Variants in VASH2 observed in about 807,000 individuals in gnomAD.
The protein encoded by VASH2 is tubulinyl-Tyr carboxypeptidase 2.
Under a neutral mutation model 37.2 loss-of-function variants are expected in VASH2, and 28 were observed. That is an observed-to-expected ratio of 0.75 (90% CI 0.56 to 1.03). The LOEUF is 1.03. Among genes scored for constraint, VASH2 ranks in the 50% least tolerant of loss-of-function variants. The pLI is 0.00. For synonymous variants in VASH2, 188 were observed against 174.7 expected (o/e 1.08, Z -0.60); for missense variants, 419 against 459.1 (o/e 0.91, Z 0.80).
chr1:212,963,262 A>C (rs1244583872), intron 3 of VASH2, among the ~76,000 whole-genome samples: 1 of 152,154 alleles, frequency 6.6e-6, no homozygotes, highest in Non-Finnish European at 1.5e-5. Context: ...GACCAACAGC[A>C]TCACTGACTG....
intron 7 of VASH2, among the ~76,000 whole-genome samples, chr1:212,978,771 T>TGTAG (rs1473859239): frequency 6.6e-6 from 1 of 152,110 alleles, no homozygotes; most frequent in Non-Finnish European, 1.5e-5. Flanking sequence ...CCAGTTGGCT[T>TGTAG]GTAGGTGCCC....
chr1:212,978,685 G>A (rs1183600933), intron 7 of VASH2, among the ~76,000 whole-genome samples: 1 of 152,234 alleles, frequency 6.6e-6, no homozygotes, highest in Non-Finnish European at 1.5e-5. Context: ...GCTCCCAGTA[G>A]GTCAGAGTCT....
At chr1:212,975,729 G>T (rs893238592) in intron 7 of VASH2, among the ~76,000 whole-genome samples, 2 of 152,254 alleles carry the variant, frequency 1.3e-5, no homozygotes, top group African/African-American at 4.8e-5. Flanking sequence ...AACTGATTTT[G>T]TCTGATTTAT....
intron 7 of VASH2, among the ~76,000 whole-genome samples, chr1:212,975,994 T>A (rs935635444): frequency 2.0e-5 from 3 of 152,198 alleles, no homozygotes; most frequent in Non-Finnish European, 4.4e-5. Flanking sequence ...GTTGAGTTTT[T>A]AACCAGGAAA....
At chr1:212,972,146 A>G (rs1274755090) in intron 5 of VASH2, among the ~76,000 whole-genome samples, 6 of 152,100 alleles carry the variant, frequency 3.9e-5, no homozygotes, top group Non-Finnish European at 7.3e-5. Context: ...GCCTTTACCA[A>G]TTGACTTGGG....
chr1:212,975,816 T>C (rs1028375838), intron 7 of VASH2, among the ~76,000 whole-genome samples: 3 of 152,200 alleles, frequency 2.0e-5, no homozygotes, highest in Non-Finnish European at 4.4e-5. Flanking sequence ...GCAGAGTCTA[T>C]AAAAGCCTGC....
chr1:212,956,675 C>A (rs1329261706), intron 2 of VASH2, among the ~76,000 whole-genome samples: 1 of 152,188 alleles, frequency 6.6e-6, no homozygotes, highest in Non-Finnish European at 1.5e-5. Context: ...TCCTTACCAG[C>A]ATTGGGTATC....
rs372369361 is a variant in VASH2 at position 212,972,848 on chromosome 1, C to A, written c.766C>A (p.Pro256Thr). 4.3e-6 allele frequency: 7 copies of A among 1,614,064 alleles called. No individual in the cohort carries two copies. The highest frequency in any genetic ancestry group is 5.1e-6 in the Non-Finnish European group (6 of 1,180,042). The change falls in exon 6 of 8, where the codon CCT becomes ACT. Residue 256 changes from proline (P) to threonine (T), a missense_variant. Physicochemically the swap from Pro to Thr is conservative, Grantham distance 38. Coordinates refer to ENST00000517399, the MANE Select transcript of VASH2 (RefSeq NM_001301056.2). ...GATTGGGCTGTACGTCCCCCATGAG[C>A]CTCATAGCTTCCAGCCCATTGAGTG... ...VKIGLYVPHEPHSFQPIEWKQ... is the reference protein window; with the variant it reads ...VKIGLYVPHETHSFQPIEWKQ...
intron 3 of VASH2, among the ~76,000 whole-genome samples, chr1:212,963,194 G>A (rs901608142): frequency 2.6e-5 from 4 of 152,174 alleles, no homozygotes; most frequent in Non-Finnish European, 5.9e-5. Context: ...TGGTTGCCCT[G>A]AAGGATCTGC....
rs1382030193 is a variant in VASH2, at chr1:212,989,226, T to C, written c.*642T>C. On this transcript the variant is annotated 3_prime_UTR_variant, in exon 8 of 8. Coordinates refer to ENST00000517399, the MANE Select transcript of VASH2 (RefSeq NM_001301056.2). Reference sequence around the variant, plus strand: ...AAAAGCACTGAAATTCTTCTGGCAATACAAGAACCATTTTCAGGATCTTGG... The same window carrying C: ...AAAAGCACTGAAATTCTTCTGGCAACACAAGAACCATTTTCAGGATCTTGG... 1 of 152,616 alleles carries C rather than the reference T, an allele frequency of 6.6e-6. No individual in the cohort carries two copies. Among genetic ancestry groups the C allele is most frequent in the Non-Finnish European group, 1.5e-5 (1 of 68,076 alleles). 9.5% of individuals were successfully genotyped at this position (152,616 alleles called of 1,614,324 possible). A position where few individuals can be genotyped will look rare whatever the true frequency, so the allele number is the denominator to read the frequency against.
At position 212,988,780 on chromosome 1, in the gene VASH2, A is replaced by C; in HGVS notation, c.*196A>C. The stretch of plus-strand genomic sequence containing the variant: ...ACTAAAAGGCACCATGAAAAGGCTG[A>C]AGTAATAAGCCCCACTGGGGTTGGA... On this transcript the variant is annotated 3_prime_UTR_variant, in exon 8 of 8. Coordinates refer to ENST00000517399, the MANE Select transcript of VASH2 (RefSeq NM_001301056.2). 1.7e-6 allele frequency: 1 copy of C among 604,176 alleles called. No homozygotes were observed. The highest frequency in any genetic ancestry group is 2.9e-6 in the Non-Finnish European group (1 of 342,114). The allele number at this position is 604,176 out of a possible 1,614,324, so 37.4% of individuals were successfully genotyped here. A position where few individuals can be genotyped will look rare whatever the true frequency, so the allele number is the denominator to read the frequency against.
chr1:212,975,422 G>A (rs1667143122), intron 7 of VASH2, among the ~76,000 whole-genome samples: 1 of 152,240 alleles, frequency 6.6e-6, no homozygotes, highest in African/African-American at 2.4e-5. Flanking sequence ...AAGAGAGGCT[G>A]AAGATGAGAA....
rs1008242575 is a variant in VASH2 at position 212,952,146 on chromosome 1, A to G, written c.276+328A>G. On this transcript the variant is annotated intron_variant, in intron 2 of 7. Coordinates refer to ENST00000517399, the MANE Select transcript of VASH2 (RefSeq NM_001301056.2). ...TCCTTCAGCAAAAGCTAGAGCCACC[A>G]GGTACCAGCGATGCCAAAGAATGCA... Among the ~76,000 whole-genome samples the G allele has an allele frequency of 9.8e-5, 15 of 152,322 alleles. 1 individual carries two copies. The Middle Eastern group carries it at 0.01, about 104-fold the overall frequency.
At chr1:212,968,552 T>C (rs1666915186) in intron 5 of VASH2, 2 of 985,336 alleles carry the variant, frequency 2.0e-6, no homozygotes, top group South Asian at 9.4e-5. Context: ...TTGGCTGACA[T>C]TTGAAAAATG....
rs980698212 is a variant in VASH2, at chr1:212,966,027, C to T, written c.423-244C>T. On this transcript the variant is annotated intron_variant, in intron 4 of 7. Coordinates refer to ENST00000517399, the MANE Select transcript of VASH2 (RefSeq NM_001301056.2). ...TTGTAAACTCTGCCTCTCGAGGCTT[C>T]ATTTATTTGTTCTATTGTAATGCCC... The T allele has an allele frequency of 3.9e-4, 236 of 599,596 alleles. 1 individual carries two copies. Among genetic ancestry groups the T allele is most frequent in the Non-Finnish European group, 6.5e-4 (222 of 338,960 alleles). 37.1% of individuals were successfully genotyped at this position (599,596 alleles called of 1,614,324 possible).
chr1:212,968,710 C>G (rs1353328735), intron 5 of VASH2: 1 of 985,390 alleles, frequency 1.0e-6, no homozygotes, highest in Non-Finnish European at 1.2e-6. Flanking sequence ...GGCCCCAACT[C>G]TTTAGTGGCA....
chr1:212,984,465 A>C (rs1314170695), intron 7 of VASH2, among the ~76,000 whole-genome samples: 2 of 152,178 alleles, frequency 1.3e-5, no homozygotes, highest in Non-Finnish European at 2.9e-5. Context: ...CTGGCCACTG[A>C]CTTTCTAGGA....
In VASH2 at chr1:212,989,779, G is replaced by GTA. The variant is rs2075839036; in HGVS notation, c.*1196_*1197dup. ...TCGGTCCAGTGTTACACCTTATAGT[G>GTA]TAATTCAGTCCCTAAGCACAGAATG... On this transcript the variant is annotated 3_prime_UTR_variant, in exon 8 of 8. Coordinates refer to ENST00000517399, the MANE Select transcript of VASH2 (RefSeq NM_001301056.2). The GTA allele has an allele frequency of 6.6e-6, 1 of 152,112 alleles. No homozygotes were observed. The highest frequency in any genetic ancestry group is 1.5e-5 in the Non-Finnish European group (1 of 68,014). 9.4% of individuals were successfully genotyped at this position (152,112 alleles called of 1,614,324 possible).
intron 2 of VASH2, among the ~76,000 whole-genome samples, chr1:212,957,014 A>G (rs369972663): frequency 2.0e-5 from 3 of 152,110 alleles, no homozygotes; most frequent in Admixed American, 6.5e-5. Flanking sequence ...TCCATTCCAC[A>G]CTAACTTTCC....
Sources: allele counts gnomAD v4.1 joint callset (sites outside exome capture counted in the v4.1 genomes callset), GRCh38; gene constraint gnomAD v4.1.1; transcripts MANE v1.5; gene names NCBI Gene and HGNC (gene_info 2026-07-23, HGNC 2026-07-21).